The following TIAM2 variants were observed in gnomAD, a reference collection of about 807,000 sequenced individuals.
TIAM2 encodes TIAM Rac1 associated GEF 2.
In TIAM2, 80 loss-of-function variants were observed where a neutral mutation model predicts 152.9. That is an observed-to-expected ratio of 0.52 (90% CI 0.44 to 0.63). The LOEUF (loss-of-function observed/expected upper bound fraction) is 0.63. TIAM2 is among the 30% of genes least tolerant of loss of function. TIAM2 has a pLI of 0.00. For missense variants in TIAM2, 1,965 were observed against 2,120.1 expected, an observed-to-expected ratio of 0.93 and a Z score of 1.44; for synonymous variants, 804 against 838.0, an observed-to-expected ratio of 0.96 and a Z score of 0.70.
At chr6:155,234,722 G>A (rs757116107) in intron 15 of TIAM2, among the ~76,000 whole-genome samples, 1 of 152,214 alleles carries the variant, frequency 6.6e-6, no homozygotes, top group Middle Eastern at 3.2e-3. Flanking sequence ...TGCTTTTAAA[G>A]CAGCATTCCT....
chr6:155,027,614 G>A (rs1253362671), intron 1 of TIAM2, among the ~76,000 whole-genome samples: 2 of 60,782 alleles, frequency 3.3e-5, no homozygotes, highest in Non-Finnish European at 5.9e-5. Context: ...TATAATATAT[G>A]TACTGTGTTA....
chr6:155,090,761 C>G (rs1778284898), intron 2 of TIAM2, among the ~76,000 whole-genome samples: 2 of 152,072 alleles, frequency 1.3e-5, no homozygotes, highest in Admixed American at 1.3e-4. Context: ...ATAGGACCTC[C>G]TGCTTGAGAA....
intron 1 of TIAM2, among the ~76,000 whole-genome samples, chr6:155,053,707 G>A (rs1227378063): frequency 6.6e-6 from 1 of 152,096 alleles, no homozygotes; most frequent in African/African-American, 2.4e-5. Flanking sequence ...CTGACCTCAA[G>A]TGATTCGCCT....
chr6:155,256,362 TA>T, intron 26 of TIAM2, 121 bp from the exon 27 acceptor site: 1 of 1,420,548 alleles, frequency 7.0e-7, no homozygotes, highest in Non-Finnish European at 9.5e-7. Context: ...GGATAGTTGC[TA>T]ACTGAAGTCA....
chr6:155,236,441 T>C (rs1782763015), intron 15 of TIAM2, among the ~76,000 whole-genome samples: 1 of 152,048 alleles, frequency 6.6e-6, no homozygotes, highest in African/African-American at 2.4e-5. Context: ...GGTGGGCAGA[T>C]CACCTGAGGT....
intron 14 of TIAM2, among the ~76,000 whole-genome samples, chr6:155,191,127 G>A (rs947213802): frequency 5.3e-5 from 8 of 152,134 alleles, no homozygotes; most frequent in Non-Finnish European, 1.2e-4. Flanking sequence ...CAGTGTAGAA[G>A]GGTAAACGGT....
intron 9 of TIAM2, among the ~76,000 whole-genome samples, chr6:155,166,418 G>C (rs1277164297): frequency 6.6e-6 from 1 of 151,658 alleles, no homozygotes; most frequent in Non-Finnish European, 1.5e-5. Context: ...CTGCCTCCTG[G>C]GTTCAAGTGA....
chr6:155,021,438 C>G (rs1284499639), intron 1 of TIAM2, among the ~76,000 whole-genome samples: 1 of 151,930 alleles, frequency 6.6e-6, no homozygotes, highest in African/African-American at 2.4e-5. Flanking sequence ...GTTTTTATAT[C>G]TTTAGTAGAG....
Position 155,129,064 on chromosome 6 carries a change from C to A in TIAM2, c.-6-154C>A, listed in dbSNP as rs114219001. 2.8e-4 allele frequency: 184 copies of A among 653,952 alleles called. No individual in the cohort carries two copies. The African/African-American group carries it at 3.2e-3, about 11-fold the overall frequency. 40.5% of individuals were successfully genotyped at this position (653,952 alleles called of 1,614,324 possible). A position where few individuals can be genotyped will look rare whatever the true frequency, so the allele number is the denominator to read the frequency against. On this transcript the variant is annotated intron_variant, in intron 3 of 26. Coordinates refer to ENST00000682666, the MANE Select transcript of TIAM2 (RefSeq NM_012454.4). The surrounding 1 kb of genome is among the most constrained non-coding windows in gnomAD (Gnocchi z 4.8). ...AGCAGCCTTGCAAAATAAGGAGAGC[C>A]TGTTCTACTGACTGACTCTTGTCCC...
rs562094938 is a variant in TIAM2, at chr6:155,100,571, T to TCATG, written c.-118+10199_-118+10202dup. Among the ~76,000 whole-genome samples the TCATG allele has an allele frequency of 1.8e-4, 28 of 152,312 alleles. No homozygotes were observed. The East Asian group carries it at 5.2e-3, about 28-fold the overall frequency. On this transcript the variant is annotated intron_variant, in intron 2 of 26. Coordinates refer to ENST00000682666, the MANE Select transcript of TIAM2 (RefSeq NM_012454.4). ...ACCTCCCATTCATTAATTCGTTCATTCATGCATGCAGTTACTTAACATGTA... is the reference window on the plus strand; with the variant it reads ...ACCTCCCATTCATTAATTCGTTCATTCATGCATGCATGCAGTTACTTAACATGTA...
At chr6:155,139,649 T>G (rs180808946) in intron 5 of TIAM2, among the ~76,000 whole-genome samples, 1 of 152,198 alleles carries the variant, frequency 6.6e-6, no homozygotes, top group East Asian at 1.9e-4. Flanking sequence ...TGCAAACTAT[T>G]ATGAGTGAGG....
At chr6:155,232,239 G>C (rs1322653158) in intron 15 of TIAM2, among the ~76,000 whole-genome samples, 1 of 151,780 alleles carries the variant, frequency 6.6e-6, no homozygotes, top group Non-Finnish European at 1.5e-5. Flanking sequence ...AGAGTGAGTT[G>C]AGAAAAAGTC....
intron 26 of TIAM2, chr6:155,256,091 G>A (rs1034537304): frequency 3.3e-6 from 1 of 305,150 alleles, no homozygotes; most frequent in African/African-American, 2.3e-5. Flanking sequence ...AGATGCATAG[G>A]AATATGGTGT....
chr6:155,067,008 C>T (rs777005614), intron 1 of TIAM2, among the ~76,000 whole-genome samples: 4 of 152,146 alleles, frequency 2.6e-5, no homozygotes, highest in Non-Finnish European at 5.9e-5. Context: ...CTGCCCGCTT[C>T]GGTCTTCCAG....
chr6:155,047,377 G>T (rs1019098311), intron 1 of TIAM2, among the ~76,000 whole-genome samples: 2 of 151,990 alleles, frequency 1.3e-5, no homozygotes, highest in Non-Finnish European at 1.5e-5. Context: ...ATGGGGTTTT[G>T]CCATGTTGGT....
At chr6:155,246,913 C>G (rs781620854) in intron 19 of TIAM2, among the ~76,000 whole-genome samples, 4 of 152,252 alleles carry the variant, frequency 2.6e-5, no homozygotes, top group Non-Finnish European at 4.4e-5. Context: ...TTCCAAGCAA[C>G]TGGGCATCCA....
intron 1 of TIAM2, among the ~76,000 whole-genome samples, chr6:155,083,999 G>A (rs1778126507): frequency 6.6e-6 from 1 of 152,196 alleles, no homozygotes; most frequent in African/African-American, 2.4e-5. Context: ...AAGCAGAATC[G>A]AGGTGAAGGG....
At chr6:155,180,200 AC>A (rs1780865430) in intron 12 of TIAM2, among the ~76,000 whole-genome samples, 1 of 152,118 alleles carries the variant, frequency 6.6e-6, no homozygotes, top group Non-Finnish European at 1.5e-5. Context: ...AATCGCTTGA[AC>A]CTGGGAGGCA....
chr6:155,051,589 G>A (rs777936437), intron 1 of TIAM2, among the ~76,000 whole-genome samples: 1 of 151,990 alleles, frequency 6.6e-6, no homozygotes, highest in Non-Finnish European at 1.5e-5. Context: ...TGCGTTTCCT[G>A]TAAGTCTGCT....
Sources: allele counts gnomAD v4.1 joint callset (sites outside exome capture counted in the v4.1 genomes callset), GRCh38; gene constraint gnomAD v4.1.1; non-coding constraint Gnocchi (gnomAD v3.1); transcripts MANE v1.5; gene names NCBI Gene and HGNC (gene_info 2026-07-23, HGNC 2026-07-21).